The following FAM83H variants were observed in gnomAD, a reference collection of about 807,000 sequenced individuals.
FAM83H encodes protein FAM83H.
FAM83H carries 24 observed loss-of-function variants against 30.2 expected under a neutral mutation model. The ratio of observed to expected loss-of-function variants is 0.79; its 90% CI spans 0.57 to 1.12. The LOEUF (loss-of-function observed/expected upper bound fraction) is 1.12, where lower values mean the gene tolerates loss of function less well. Among genes scored for constraint, FAM83H ranks in the 50% most tolerant of loss-of-function variants. The pLI, the probability that FAM83H is intolerant of heterozygous loss-of-function variation, is 0.00. For missense variants in FAM83H, 2,038 were observed against 1,773.9 expected, an observed-to-expected ratio of 1.15 and a Z score of -2.67; for synonymous variants, 1,013 against 821.7, an observed-to-expected ratio of 1.23 and a Z score of -3.98.
rs1014193561 is a variant in FAM83H at position 143,729,343 on chromosome 8, C to G, written c.448-20G>C. 27 of 1,612,158 alleles carry G rather than the reference C, an allele frequency of 1.7e-5. No homozygotes were observed. The highest frequency in any genetic ancestry group is 1.9e-5 in the Non-Finnish European group (23 of 1,179,896). ...CACCACCTGCAGGGGCGGGTCAGGACGGAGAGGAGAGGCCCCTGCTGTCCC... is the reference window on the plus strand; with the variant it reads ...CACCACCTGCAGGGGCGGGTCAGGAGGGAGAGGAGAGGCCCCTGCTGTCCC... On this transcript the variant is annotated intron_variant, in intron 2 of 4. Coordinates refer to ENST00000388913, the MANE Select transcript of FAM83H (RefSeq NM_198488.5).
Position 143,726,235 on chromosome 8 carries a change from C to G in FAM83H, c.3226G>C (p.Ala1076Pro), listed in dbSNP as rs1554621636. Reference sequence around the variant, plus strand: ...ATATCTGGGGCCAGGACGCCAGCAGCCGGTGGACGGCCTAGCTCGGGGCTG... The same window carrying G: ...ATATCTGGGGCCAGGACGCCAGCAGGCGGTGGACGGCCTAGCTCGGGGCTG... ...HNSPELGRPP[A>P]AGVLAPDMSD... Residue 1076 changes from alanine (A) to proline (P), a missense_variant, in exon 5 of 5, where the codon GCT becomes CCT. Transcript: ENST00000388913. The G allele has an allele frequency of 6.2e-7, 1 of 1,612,300 alleles. No individual in the cohort carries two copies. Among genetic ancestry groups the G allele is most frequent in the Non-Finnish European group, 8.5e-7 (1 of 1,179,724 alleles).
intron 1 of FAM83H, chr8:143,731,331 A>G (rs1818514038): frequency 1.0e-6 from 1 of 984,994 alleles, no homozygotes; most frequent in African/African-American, 1.8e-5. Flanking sequence ...TCTCTGGCCT[A>G]CCTCTACTGC....
At position 143,726,389 on chromosome 8, in the gene FAM83H, G is replaced by A; in HGVS notation, c.3072C>T (p.Ser1024=). ...TGTACAAGGCGTTGGCCGTGGCTGA[G>A]GACAGGCGCGCCCGCGGACCCCGCT... ...TEERGPRARL[S]SATANALYSS... is the part of the protein sequence containing the mutation. The change falls in exon 5 of 5, where the codon TCC becomes TCT. Residue 1024 remains serine, a synonymous_variant. Transcript: ENST00000388913. 1 of 1,608,906 alleles carries A rather than the reference G, an allele frequency of 6.2e-7. No individual in the cohort carries two copies. Among genetic ancestry groups the A allele is most frequent in the Non-Finnish European group, 8.5e-7 (1 of 1,178,928 alleles).
At chr8:143,731,317 C>T (rs1818513577) in intron 1 of FAM83H, 3 of 985,028 alleles carry the variant, frequency 3.0e-6, no homozygotes, top group South Asian at 4.7e-5. Context: ...TAGGTCACTG[C>T]ACCTCTCTGG....
rs782355596 is a variant in FAM83H at position 143,727,677 on chromosome 8, C to T, written c.1784G>A (p.Gly595Glu). 3.8e-6 allele frequency: 6 copies of T among 1,567,336 alleles called. No homozygotes were observed. Among genetic ancestry groups the T allele is most frequent in the South Asian group, 1.1e-5 (1 of 87,102 alleles). Reference sequence around the variant, plus strand: ...GGGCGCCGGTAGGCCGTCGTCGCCCCCATCCTCGCCGTGGCAGCCGCTCAA... The same window carrying T: ...GGGCGCCGGTAGGCCGTCGTCGCCCTCATCCTCGCCGTGGCAGCCGCTCAA... ...SYLSGCHGEDGGDDGLPAPME... is the reference protein window; with the variant it reads ...SYLSGCHGEDEGDDGLPAPME... The change falls in exon 5 of 5, where the codon GGG becomes GAG. Residue 595 changes from glycine to glutamate, a missense_variant. Transcript: ENST00000388913.
At position 143,725,320 on chromosome 8, in the gene FAM83H, G is replaced by A; in HGVS notation, c.*601C>T. ...TGCAAGAGGATAGGGGACTTAGCGG[G>A]GTGCAAGGCTCACGCCTGTAATCCC... On this transcript the variant is annotated 3_prime_UTR_variant, in exon 5 of 5. Transcript: ENST00000388913. The A allele has an allele frequency of 6.3e-6, 1 of 158,710 alleles. No individual in the cohort carries two copies. The highest frequency in any genetic ancestry group is 1.4e-5 in the Non-Finnish European group (1 of 71,814). 9.8% of individuals were successfully genotyped at this position (158,710 alleles called of 1,614,324 possible). A position where few individuals can be genotyped will look rare whatever the true frequency, so the allele number is the denominator to read the frequency against.
chr8:143,726,905 C>T lies in FAM83H; in HGVS notation c.2556G>A (p.Leu852=). ...STSPQGLDSP[L]PLEGSGAHQV... ...GGTGCGCTCCGGACCCTTCCAGCGG[C>T]AGAGGGCTGTCCAGCCCTTGCGGGG... The change falls in exon 5 of 5, where the codon CTG becomes CTA. Residue 852 remains leucine (L), a synonymous_variant. Coordinates refer to ENST00000388913, the MANE Select transcript of FAM83H (RefSeq NM_198488.5). 1.2e-6 allele frequency: 2 copies of T among 1,612,592 alleles called. No individual in the cohort carries two copies. Among genetic ancestry groups the T allele is most frequent in the East Asian group, 2.2e-5 (1 of 44,868 alleles).
At chr8:143,730,062 T>C in intron 2 of FAM83H, 74 bp downstream of exon 2, 1 of 1,316,564 alleles carries the variant, frequency 7.6e-7, no homozygotes, top group Admixed American at 2.8e-5. Flanking sequence ...CTGATCATGC[T>C]CATGCATCTC....
Position 143,727,285 on chromosome 8 carries a change from C to G in FAM83H, c.2176G>C (p.Val726Leu). Residue 726 changes from valine (V) to leucine (L), a missense_variant, in exon 5 of 5, where the codon GTG becomes CTG. Transcript: ENST00000388913. ...ACCTTGGTGGAAGCCGCGGAGCGCA[C>G]GGCCTCTCCGCCGGGCCCCAGCGTC... ...SETLGPGGEA[V>L]RSAASTKVAE... 1 of 1,536,710 alleles carries G rather than the reference C, an allele frequency of 6.5e-7. No homozygotes were observed. Among genetic ancestry groups the G allele is most frequent in the South Asian group, 1.2e-5 (1 of 84,228 alleles).
At position 143,730,128 on chromosome 8, in the gene FAM83H, T is replaced by C. The variant is rs200394827; in HGVS notation, c.447+8A>G. 65 of 1,542,606 alleles carry C rather than the reference T, an allele frequency of 4.2e-5. No homozygotes were observed. In the African/African-American group the frequency reaches 7.6e-4, roughly 18 times the overall value. ...TCCCCCACTACCCTCAAGCCCAAGATGGCGCACCTGCTGGGCGGAACGGAT... is the reference window on the plus strand; with the variant it reads ...TCCCCCACTACCCTCAAGCCCAAGACGGCGCACCTGCTGGGCGGAACGGAT... On this transcript the variant is annotated splice_region_variant and intron_variant, in intron 2 of 4. Transcript: ENST00000388913.
chr8:143,733,764 C>CGGTCCGGCA lies in FAM83H; in HGVS notation c.-98_-90dup, dbSNP rs1818621990. The CGGTCCGGCA allele has an allele frequency of 6.7e-6, 1 of 149,028 alleles. No individual in the cohort carries two copies. Among genetic ancestry groups the CGGTCCGGCA allele is most frequent in the African/African-American group, 2.4e-5 (1 of 41,086 alleles). 9.2% of individuals were successfully genotyped at this position (149,028 alleles called of 1,614,324 possible). ...CCGCCCAGCGGCCTCGCGGTCCGGT[C>CGGTCCGGCA]GGTCCGGCAGCCACTCCCTGCCGCG... On this transcript the variant is annotated 5_prime_UTR_variant, in exon 1 of 5. Transcript: ENST00000388913. This position sits in a 1 kb window ranked among gnomAD's most constrained non-coding sequence, Gnocchi z 5.6.
rs1563763360 is a variant in FAM83H at position 143,733,140 on chromosome 8, C to T, written c.-16+551G>A. The stretch of plus-strand genomic sequence containing the variant: ...TCAGTGATAACTTGCGGAGTGGGCA[C>T]CCCAGCCCCCAACGGGGTCAGTGCA... On this transcript the variant is annotated intron_variant, in intron 1 of 4. Coordinates refer to ENST00000388913, the MANE Select transcript of FAM83H (RefSeq NM_198488.5). This position sits in a 1 kb window ranked among gnomAD's most constrained non-coding sequence, Gnocchi z 5.6. 2.6e-5 allele frequency: 4 copies of T among 154,170 alleles called. No individual in the cohort carries two copies. The highest frequency in any genetic ancestry group is 7.2e-5 in the African/African-American group (3 of 41,522). The allele number at this position is 154,170 out of a possible 1,614,324, so 9.6% of individuals were successfully genotyped here.
chr8:143,727,147 C>T lies in FAM83H; in HGVS notation c.2314G>A (p.Glu772Lys), dbSNP rs900561928. Residue 772 changes from glutamate to lysine, a missense_variant, in exon 5 of 5, where the codon GAG (glutamate) becomes AAG (lysine). Coordinates refer to ENST00000388913, the MANE Select transcript of FAM83H (RefSeq NM_198488.5). ...KAVVSQAWRE[E>K]VAAPGAVGGE... ...CCCACGGCACCTGGGGCCGCCACCT[C>T]TTCCCGCCACGCCTGGGACACGACG... 1.3e-6 allele frequency: 2 copies of T among 1,534,300 alleles called. No homozygotes were observed. The highest frequency in any genetic ancestry group is 1.7e-6 in the Non-Finnish European group (2 of 1,146,110).
chr8:143,727,321 T>C lies in FAM83H; in HGVS notation c.2140A>G (p.Thr714Ala). The C allele has an allele frequency of 6.4e-7, 1 of 1,553,022 alleles. No homozygotes were observed. The highest frequency in any genetic ancestry group is 8.6e-7 in the Non-Finnish European group (1 of 1,156,468). The change falls in exon 5 of 5, where the codon ACG becomes GCG. Residue 714 changes from threonine to alanine, a missense_variant. Coordinates refer to ENST00000388913, the MANE Select transcript of FAM83H (RefSeq NM_198488.5). ...CCGGGCCCCAGCGTCTCGCTGACCG[T>C]CTGCTCCTTGTGCAGCAGCTGCACC... ...EKVQLLHKEQ[T>A]VSETLGPGGE...
rs1404975588 is a variant in FAM83H at position 143,727,217 on chromosome 8, G to A, written c.2244C>T (p.Pro748=). Residue 748 remains proline (P), a synonymous_variant, in exon 5 of 5, where the codon CCC becomes CCT. Coordinates refer to ENST00000388913, the MANE Select transcript of FAM83H (RefSeq NM_198488.5). ...CGGTGATGGCGCCCGCGCCGCCGCC[G>A]GGATCACGGGCTGGGCCCTTGTACT... ...LEKYKGPARD[P]GGGAGAITVA... is the part of the protein sequence containing the mutation. 4.6e-6 allele frequency: 7 copies of A among 1,533,508 alleles called. No homozygotes were observed. The East Asian group carries it at 9.8e-5, about 21-fold the overall frequency. The allele number at this position is 1,533,508 out of a possible 1,614,324, so 95.0% of individuals were successfully genotyped here. A position where few individuals can be genotyped will look rare whatever the true frequency, so the allele number is the denominator to read the frequency against.
rs782497446 is a variant in FAM83H, at chr8:143,726,086, G to T, written c.3375C>A (p.Ser1125Arg). 1 of 1,611,794 alleles carries T rather than the reference G, an allele frequency of 6.2e-7. No homozygotes were observed. The highest frequency in any genetic ancestry group is 1.1e-5 in the South Asian group (1 of 90,954). ...ERDRLLRRME[S>R]MRKEKRVYSR... is the part of the protein sequence containing the mutation. ...TGTACACGCGCTTCTCCTTGCGCAT[G>T]CTCTCCATGCGGCGCAGCAGCCGAT... The change falls in exon 5 of 5, where the codon AGC (serine) becomes AGA (arginine). Residue 1125 changes from serine (S) to arginine (R), a missense_variant. Physicochemically the swap from Ser to Arg is moderately radical, Grantham distance 110. Coordinates refer to ENST00000388913, the MANE Select transcript of FAM83H (RefSeq NM_198488.5).
At position 143,733,754 on chromosome 8, in the gene FAM83H, G is replaced by GCGGTCCGGT. The variant is rs1287397850; in HGVS notation, c.-88_-80dup. ...GAGCCGACCGCCGCCCAGCGGCCTC[G>GCGGTCCGGT]CGGTCCGGTCGGTCCGGCAGCCACT... On this transcript the variant is annotated 5_prime_UTR_variant, in exon 1 of 5. Coordinates refer to ENST00000388913, the MANE Select transcript of FAM83H (RefSeq NM_198488.5). This position sits in a 1 kb window ranked among gnomAD's most constrained non-coding sequence, Gnocchi z 5.6. The GCGGTCCGGT allele has an allele frequency of 8.7e-5, 13 of 149,088 alleles. No individual in the cohort carries two copies. The highest frequency in any genetic ancestry group is 1.6e-4 in the Non-Finnish European group (11 of 66,702). 9.2% of individuals were successfully genotyped at this position (149,088 alleles called of 1,614,324 possible).
At chr8:143,731,724 G>C in intron 1 of FAM83H, 1 of 985,466 alleles carries the variant, frequency 1.0e-6, no homozygotes, top group Non-Finnish European at 1.2e-6. Flanking sequence ...TCAGAGTCCT[G>C]TCCCCACCAG....
intron 1 of FAM83H, chr8:143,732,685 C>T (rs1039186524): frequency 9.1e-6 from 9 of 985,276 alleles, no homozygotes; most frequent in South Asian, 4.7e-5. Context: ...TTCCTCACGT[C>T]GTCTCCTTTC....
Sources: allele counts gnomAD v4.1 joint callset, GRCh38; gene constraint gnomAD v4.1.1; non-coding constraint Gnocchi (gnomAD v3.1); transcripts MANE v1.5; gene names NCBI Gene and HGNC (gene_info 2026-07-23, HGNC 2026-07-21).